Variants in ACVR2B observed in about 807,000 individuals in gnomAD.
ACVR2B encodes the protein activin A receptor type 2B.
A neutral mutation model predicts 65.1 loss-of-function variants in ACVR2B; 18 were observed. The observed-to-expected ratio is 0.28, with a 90% CI of 0.19 to 0.41. The LOEUF is 0.41. Among genes scored for constraint, ACVR2B ranks in the 10% least tolerant of loss-of-function variants. The pLI, the probability that ACVR2B is intolerant of heterozygous loss-of-function variation, is 1.00. For synonymous variants in ACVR2B, 298 were observed against 277.7 expected, an observed-to-expected ratio of 1.07 and a Z score of -0.73; for missense variants, 482 against 682.7, an observed-to-expected ratio of 0.71 and a Z score of 3.28.
At chr3:38,462,051 C>T (rs183705787) in intron 1 of ACVR2B, among the ~76,000 whole-genome samples, 7 of 151,810 alleles carry the variant, frequency 4.6e-5, no homozygotes, top group South Asian at 4.2e-4. Flanking sequence ...AAAATTAGCC[C>T]GGCGTGGTGG....
chr3:38,473,016 CTGTG>C (rs1157971978), intron 1 of ACVR2B, among the ~76,000 whole-genome samples: 1 of 152,032 alleles, frequency 6.6e-6, no homozygotes, highest in Admixed American at 6.6e-5. Flanking sequence ...TCTGCATGTA[CTGTG>C]TGTGTGTATG....
rs1710137970 is a variant in ACVR2B, at chr3:38,487,199, T to A, written c.*3867T>A. On this transcript the variant is annotated 3_prime_UTR_variant, in exon 11 of 11. Transcript: ENST00000352511. The stretch of plus-strand genomic sequence containing the variant: ...GGCATACCCACACGTGCCAGCTGAT[T>A]CTGACTCTGAATACATCATGTCCGG... The A allele has an allele frequency of 6.6e-6, 1 of 152,290 alleles. No homozygotes were observed. The allele number at this position is 152,290 out of a possible 1,614,324, so 9.4% of individuals were successfully genotyped here.
chr3:38,484,991 G>A lies in ACVR2B; in HGVS notation c.*1659G>A, dbSNP rs1202089852. On this transcript the variant is annotated 3_prime_UTR_variant, in exon 11 of 11. Coordinates refer to ENST00000352511, the MANE Select transcript of ACVR2B (RefSeq NM_001106.4). ...CCCTTGTAAATAATTGTCATCAACT[G>A]TAGGTTGGCTGTCTGGGCCAAGTCT... 3 of 152,576 alleles carry A rather than the reference G, an allele frequency of 2.0e-5. No homozygotes were observed. Among genetic ancestry groups the A allele is most frequent in the African/African-American group, 7.2e-5 (3 of 41,446 alleles). 9.5% of individuals were successfully genotyped at this position (152,576 alleles called of 1,614,324 possible). A position where few individuals can be genotyped will look rare whatever the true frequency, so the allele number is the denominator to read the frequency against.
In ACVR2B at chr3:38,487,583, C is replaced by G. The variant is rs1710144537; in HGVS notation, c.*4251C>G. 1 of 152,232 alleles carries G rather than the reference C, an allele frequency of 6.6e-6. No individual in the cohort carries two copies. Among genetic ancestry groups the G allele is most frequent in the Non-Finnish European group, 1.5e-5 (1 of 68,068 alleles). 9.4% of individuals were successfully genotyped at this position (152,232 alleles called of 1,614,324 possible). ...CATGTGTTGTGTGTGGCTCAGAAAG[C>G]CTGTCACTTGGCCCCTGTGCTCTGA... is the stretch of plus-strand genomic sequence containing the variant. On this transcript the variant is annotated 3_prime_UTR_variant, in exon 11 of 11. Transcript: ENST00000352511.
rs1458411174 is a variant in ACVR2B at position 38,481,851 on chromosome 3, ACT to A, written c.1075-346_1075-345del. Among the ~76,000 whole-genome samples the A allele has an allele frequency of 6.6e-6, 1 of 152,006 alleles. No homozygotes were observed. Among genetic ancestry groups the A allele is most frequent in the East Asian group, 1.9e-4 (1 of 5,194 alleles). Reference sequence around the variant, plus strand: ...TTAGGAAATCATTCCTAAAACAATCACTGTTATTATTTTTTAAGTGTTCTCCT... The same window carrying A: ...TTAGGAAATCATTCCTAAAACAATCAGTTATTATTTTTTAAGTGTTCTCCT... On this transcript the variant is annotated intron_variant, in intron 8 of 10. Coordinates refer to ENST00000352511, the MANE Select transcript of ACVR2B (RefSeq NM_001106.4). The surrounding 1 kb of genome is among the most constrained non-coding windows in gnomAD (Gnocchi z 4.7).
chr3:38,479,841 A>AG lies in ACVR2B; in HGVS notation c.959+17dup, dbSNP rs1709986591. ...ATTGCCCACAGGTACCTGGGTCAGCAGGTGCCTTTCCTGCACTTGACCTGG... is the reference window on the plus strand; with the variant it reads ...ATTGCCCACAGGTACCTGGGTCAGCAGGGTGCCTTTCCTGCACTTGACCTGG... On this transcript the variant is annotated intron_variant, in intron 7 of 10. Transcript: ENST00000352511. The AG allele has an allele frequency of 6.2e-7, 1 of 1,613,316 alleles. No homozygotes were observed. Among genetic ancestry groups the AG allele is most frequent in the African/African-American group, 1.3e-5 (1 of 74,930 alleles).
rs955097583 is a variant in ACVR2B, at chr3:38,476,826, C to T, written c.53-461C>T. ...AATACGTATTTGAATGAACACTGCTCCCCTTTCCCACACCTGCAACATACA... is the reference window on the plus strand; with the variant it reads ...AATACGTATTTGAATGAACACTGCTTCCCTTTCCCACACCTGCAACATACA... On this transcript the variant is annotated intron_variant, in intron 1 of 10. Transcript: ENST00000352511. The T allele has an allele frequency of 2.9e-5, 7 of 241,456 alleles. No homozygotes were observed. The East Asian group carries it at 2.9e-4, about 10-fold the overall frequency. 15.0% of individuals were successfully genotyped at this position (241,456 alleles called of 1,614,324 possible).
intron 1 of ACVR2B, chr3:38,459,519 G>A (rs992064731): frequency 1.1e-6 from 1 of 933,574 alleles, no homozygotes; most frequent in Non-Finnish European, 1.3e-6. Flanking sequence ...GGCCTCAGGA[G>A]CTAAGGCTAG....
At chr3:38,457,798 T>G (rs1709575004) in intron 1 of ACVR2B, among the ~76,000 whole-genome samples, 1 of 152,166 alleles carries the variant, frequency 6.6e-6, no homozygotes, top group Non-Finnish European at 1.5e-5. Flanking sequence ...TCTTGGCCAC[T>G]TCCTTGGGGG....
At chr3:38,463,543 G>A (rs909862016) in intron 1 of ACVR2B, among the ~76,000 whole-genome samples, 1 of 152,172 alleles carries the variant, frequency 6.6e-6, no homozygotes, top group Non-Finnish European at 1.5e-5. Flanking sequence ...GATAGTTTGG[G>A]ATGACTTGTT....
intron 1 of ACVR2B, 42 bp downstream of exon 1, chr3:38,454,416 G>C (rs1709505518): frequency 3.2e-6 from 4 of 1,237,378 alleles, no homozygotes; most frequent in South Asian, 6.8e-5. Flanking sequence ...GAGGGCGCGC[G>C]GGGCTGGCCT....
rs1710141936 is a variant in ACVR2B, at chr3:38,487,398, T to A, written c.*4066T>A. 3 of 152,270 alleles carry A rather than the reference T, an allele frequency of 2.0e-5. No homozygotes were observed. The allele number at this position is 152,270 out of a possible 1,614,324, so 9.4% of individuals were successfully genotyped here. A position where few individuals can be genotyped will look rare whatever the true frequency, so the allele number is the denominator to read the frequency against. On this transcript the variant is annotated 3_prime_UTR_variant, in exon 11 of 11. Transcript: ENST00000352511. Reference sequence around the variant, plus strand: ...GCTAGGCTAACCCTCTTGACATAACTTAGACAGCAAAGCACTTCATCCTGT... The same window carrying A: ...GCTAGGCTAACCCTCTTGACATAACATAGACAGCAAAGCACTTCATCCTGT...
chr3:38,482,169 A>T, intron 8 of ACVR2B, 29 bp from the exon 9 acceptor site: 3 of 1,613,732 alleles, frequency 1.9e-6, no homozygotes, highest in African/African-American at 2.7e-5. Context: ...CAGTCACTGT[A>T]AATCCTGCCC....
At chr3:38,471,507 A>G (rs967902291) in intron 1 of ACVR2B, among the ~76,000 whole-genome samples, 1 of 152,206 alleles carries the variant, frequency 6.6e-6, no homozygotes, top group Non-Finnish European at 1.5e-5. Flanking sequence ...GAGTGCACAC[A>G]CACACGCACA....
chr3:38,454,665 G>T, intron 1 of ACVR2B: 1 of 292,358 alleles, frequency 3.4e-6, no homozygotes. Flanking sequence ...CTACGCGGGC[G>T]CGTGGAACCC....
rs1289051177 is a variant in ACVR2B at position 38,488,059 on chromosome 3, G to T, written c.*4727G>T. ...ACAGCCAAAAAGAGAAGGGGACAAG[G>T]TGTCTTTTTCTCCTTCTCACTGGGG... On this transcript the variant is annotated 3_prime_UTR_variant, in exon 11 of 11. Coordinates refer to ENST00000352511, the MANE Select transcript of ACVR2B (RefSeq NM_001106.4). 2.0e-5 allele frequency: 3 copies of T among 152,268 alleles called. 1 individual carries two copies. The highest frequency in any genetic ancestry group is 4.2e-4 in the South Asian group (2 of 4,818). The allele number at this position is 152,268 out of a possible 1,614,324, so 9.4% of individuals were successfully genotyped here.
Position 38,491,740 on chromosome 3 carries a change from G to T in ACVR2B, c.*8408G>T, listed in dbSNP as rs1468384984. On this transcript the variant is annotated 3_prime_UTR_variant, in exon 11 of 11. Coordinates refer to ENST00000352511, the MANE Select transcript of ACVR2B (RefSeq NM_001106.4). The stretch of plus-strand genomic sequence containing the variant: ...AAGACTGCCAGTGAGGGAAGGAATT[G>T]TTAAAATGCCAGCGGCTTTTTTTTC... 6.6e-6 allele frequency: 1 copy of T among 152,206 alleles called. No homozygotes were observed. Among genetic ancestry groups the T allele is most frequent in the Non-Finnish European group, 1.5e-5 (1 of 68,040 alleles). The allele number at this position is 152,206 out of a possible 1,614,324, so 9.4% of individuals were successfully genotyped here.
At chr3:38,474,903 A>T (rs1575585726) in intron 1 of ACVR2B, 1 of 152,288 alleles carries the variant, frequency 6.6e-6, no homozygotes. Context: ...CCTAGAAGCC[A>T]AACACATTCA....
chr3:38,485,517 GC>G lies in ACVR2B; in HGVS notation c.*2189del, dbSNP rs1279330367. The G allele has an allele frequency of 6.6e-6, 1 of 152,186 alleles. No individual in the cohort carries two copies. The highest frequency in any genetic ancestry group is 1.9e-4 in the East Asian group (1 of 5,186). 9.4% of individuals were successfully genotyped at this position (152,186 alleles called of 1,614,324 possible). A position where few individuals can be genotyped will look rare whatever the true frequency, so the allele number is the denominator to read the frequency against. ...CTATGTTCAGTGTCTGGGGCTTACT[GC>G]CCCGGGGTCCTTTCCTCTGGGTGTT... On this transcript the variant is annotated 3_prime_UTR_variant, in exon 11 of 11. Transcript: ENST00000352511.
Sources: allele counts gnomAD v4.1 joint callset (sites outside exome capture counted in the v4.1 genomes callset), GRCh38; gene constraint gnomAD v4.1.1; non-coding constraint Gnocchi (gnomAD v3.1); transcripts MANE v1.5; gene names NCBI Gene and HGNC (gene_info 2026-07-23, HGNC 2026-07-21).